The following TEAD4 variants were observed in gnomAD, a reference collection of about 807,000 sequenced individuals.
The protein encoded by TEAD4 is TEA domain transcription factor 4.
TEAD4 carries 36 observed loss-of-function variants against 52.4 expected under a neutral mutation model. That is an observed-to-expected ratio of 0.69 (90% CI 0.53 to 0.91). TEAD4 has a LOEUF of 0.91. Ranked by LOEUF, TEAD4 falls within the 40% of genes least tolerant of loss-of-function variation. The pLI, the probability that TEAD4 is intolerant of heterozygous loss-of-function variation, is 0.00. For synonymous variants in TEAD4, 220 were observed against 231.0 expected (o/e 0.95, Z 0.43); for missense variants, 508 against 583.9 (o/e 0.87, Z 1.34).
At chr12:3,004,733 T>A (rs1368146858) in intron 3 of TEAD4, among the ~76,000 whole-genome samples, 1 of 152,182 alleles carries the variant, frequency 6.6e-6, no homozygotes, top group African/African-American at 2.4e-5. Context: ...ACTGATGAGG[T>A]ATGCAGCAAG....
intron 2 of TEAD4, among the ~76,000 whole-genome samples, chr12:2,961,661 G>C (rs778749633): frequency 7.2e-5 from 11 of 152,076 alleles, no homozygotes; most frequent in Non-Finnish European, 1.3e-4. Context: ...AAAGTTTCTT[G>C]TGAAAAGTCG....
At chr12:2,966,170 A>G (rs2098220073) in intron 2 of TEAD4, among the ~76,000 whole-genome samples, 1 of 152,170 alleles carries the variant, frequency 6.6e-6, no homozygotes, top group Admixed American at 6.6e-5. Context: ...TTTTCAGTCT[A>G]ATGATCTTCT....
chr12:2,984,615 T>C (rs112829984), intron 2 of TEAD4, among the ~76,000 whole-genome samples: 101 of 152,302 alleles, frequency 6.6e-4, no homozygotes, highest in African/African-American at 2.3e-3. Context: ...TACACAAACC[T>C]AGATGGTATA....
chr12:3,032,959 C>A (rs939861938), intron 10 of TEAD4, among the ~76,000 whole-genome samples: 9 of 152,344 alleles, frequency 5.9e-5, no homozygotes, highest in Middle Eastern at 3.4e-3. Context: ...TGCTCCCTGG[C>A]CTGGTCCCGC....
At chr12:2,974,502 C>T (rs1342232194) in intron 2 of TEAD4, among the ~76,000 whole-genome samples, 2 of 152,164 alleles carry the variant, frequency 1.3e-5, no homozygotes, top group Non-Finnish European at 2.9e-5. Flanking sequence ...TCCAGAGGCT[C>T]GAGTCTTCAT....
intron 2 of TEAD4, among the ~76,000 whole-genome samples, chr12:2,974,459 G>A (rs969171088): frequency 3.9e-5 from 6 of 152,156 alleles, no homozygotes; most frequent in African/African-American, 1.2e-4. Flanking sequence ...TTCTAACCCC[G>A]CCTGCTCCTA....
rs150790318 is a variant in TEAD4, at chr12:3,040,418, T to C, written c.1245T>C (p.Phe415=). The C allele has an allele frequency of 2.4e-4, 385 of 1,613,974 alleles. No individual in the cohort carries two copies. The highest frequency in any genetic ancestry group is 3.2e-4 in the Non-Finnish European group (379 of 1,180,028). The stretch of plus-strand genomic sequence containing the variant: ...CCTTGCTGTGCATTGCCTATGTCTT[T>C]GAGGTGTCAGCCAGTGAGCACGGGG... The change falls in exon 13 of 13, where the codon TTT becomes TTC. Residue 415 remains phenylalanine (F), a synonymous_variant. Coordinates refer to ENST00000359864, the MANE Select transcript of TEAD4 (RefSeq NM_003213.4).
intron 5 of TEAD4, among the ~76,000 whole-genome samples, chr12:3,016,606 A>T (rs74761992): frequency 0.016 from 2,412 of 147,462 alleles, 64 homozygotes; most frequent in African/African-American, 0.057. Flanking sequence ...TGTCTCTGGA[A>T]AAAAAAAAAA....
At chr12:2,962,442 T>G (rs2098216578) in intron 2 of TEAD4, among the ~76,000 whole-genome samples, 1 of 151,170 alleles carries the variant, frequency 6.6e-6, no homozygotes, top group Non-Finnish European at 1.5e-5. Context: ...TTCAAGCGAT[T>G]CTCCTGCCTC....
At chr12:3,021,790 CTG>C in intron 9 of TEAD4, 52 bp from the exon 10 acceptor site, 1 of 1,580,688 alleles carries the variant, frequency 6.3e-7, no homozygotes, top group Non-Finnish European at 8.6e-7. Context: ...CCAGGGTTGT[CTG>C]TCTGACCGTC....
intron 2 of TEAD4, among the ~76,000 whole-genome samples, chr12:2,993,280 T>C (rs12312282): frequency 0.3 from 45,725 of 151,726 alleles, 9,812 homozygotes; most frequent in African/African-American, 0.6. Context: ...TCCCACGAGC[T>C]CCTGGTAACC....
intron 5 of TEAD4, among the ~76,000 whole-genome samples, 162 bp downstream of exon 5, chr12:3,012,394 A>G (rs2098261037): frequency 6.6e-6 from 1 of 152,132 alleles, no homozygotes; most frequent in African/African-American, 2.4e-5. Context: ...CCATCCGCAC[A>G]AGAGGGCCAA....
chr12:2,977,837 T>C (rs7975912), intron 2 of TEAD4, among the ~76,000 whole-genome samples: 127,405 of 152,222 alleles, frequency 0.84, 54,146 homozygotes, highest in Middle Eastern at 0.91. Context: ...GCTCAGGCCC[T>C]GGGACACCTA....
At chr12:3,030,595 T>C (rs2098274882) in intron 10 of TEAD4, among the ~76,000 whole-genome samples, 1 of 152,208 alleles carries the variant, frequency 6.6e-6, no homozygotes. Context: ...TCAGCTGGTC[T>C]CTTTGTTTTC....
intron 2 of TEAD4, among the ~76,000 whole-genome samples, chr12:2,986,675 T>C (rs968504797): frequency 6.6e-6 from 1 of 151,418 alleles, no homozygotes; most frequent in Non-Finnish European, 1.5e-5. Context: ...AAAATAGATA[T>C]AATAAAAAGA....
At chr12:3,016,284 T>C (rs2098264421) in intron 5 of TEAD4, among the ~76,000 whole-genome samples, 1 of 152,068 alleles carries the variant, frequency 6.6e-6, no homozygotes, top group Non-Finnish European at 1.5e-5. Flanking sequence ...AACCTCAGCC[T>C]CTCCAGGAGC....
In TEAD4 at chr12:3,040,461, A is replaced by T; in HGVS notation, c.1288A>T (p.Arg430Trp). The change falls in exon 13 of 13, where the codon AGG becomes TGG. Residue 430 changes from arginine to tryptophan, a missense_variant. Transcript: ENST00000359864. ...GCACGGGGCTCAGCACCACATCTAC[A>T]GGCTGGTGAAAGAATGAGAGACTCG... 1 of 1,613,988 alleles carries T rather than the reference A, an allele frequency of 6.2e-7. No individual in the cohort carries two copies. The highest frequency in any genetic ancestry group is 8.5e-7 in the Non-Finnish European group (1 of 1,179,982).
intron 10 of TEAD4, among the ~76,000 whole-genome samples, chr12:3,027,138 C>T (rs1055987666): frequency 2.0e-5 from 3 of 151,982 alleles, no homozygotes; most frequent in Non-Finnish European, 4.4e-5. Flanking sequence ...ATTACAGGTG[C>T]CCGCTACCAC....
intron 3 of TEAD4, among the ~76,000 whole-genome samples, chr12:3,000,200 C>T (rs549967069): frequency 6.6e-6 from 1 of 152,302 alleles, no homozygotes; most frequent in South Asian, 2.1e-4. Flanking sequence ...CCGATATTAA[C>T]CAGATTTATC....
Sources: allele counts gnomAD v4.1 joint callset (sites outside exome capture counted in the v4.1 genomes callset), GRCh38; gene constraint gnomAD v4.1.1; transcripts MANE v1.5; gene names NCBI Gene and HGNC (gene_info 2026-07-23, HGNC 2026-07-21).